COL9A1: variants seen among roughly 807,000 people sequenced by gnomAD.
The protein encoded by COL9A1 is collagen alpha-1(IX) chain.
COL9A1 carries 104 observed loss-of-function variants against 142.6 expected under a neutral mutation model. The observed-to-expected ratio is 0.73, with a 90% CI of 0.62 to 0.86. The LOEUF (loss-of-function observed/expected upper bound fraction) is 0.86. COL9A1 is among the 40% of genes least tolerant of loss of function. COL9A1 has a pLI of 0.00. For synonymous variants in COL9A1, 466 were observed against 396.0 expected (o/e 1.18, Z -2.10); for missense variants, 1,210 against 1,176.6 (o/e 1.03, Z -0.42).
At chr6:70,278,563 G>A (rs1642003066) in intron 10 of COL9A1, among the ~76,000 whole-genome samples, 1 of 152,148 alleles carries the variant, frequency 6.6e-6, no homozygotes, top group South Asian at 2.1e-4. Context: ...GGCAGATACA[G>A]GGATTTCCTT....
intron 6 of COL9A1, chr6:70,283,203 G>A: frequency 1.4e-6 from 2 of 1,468,322 alleles, no homozygotes; most frequent in African/African-American, 1.4e-5. Context: ...GGCCCGGGAG[G>A]CGCGCGTTCC....
chr6:70,237,187 C>A (rs1234173217), intron 33 of COL9A1, among the ~76,000 whole-genome samples: 2 of 152,128 alleles, frequency 1.3e-5, no homozygotes, highest in Non-Finnish European at 2.9e-5. Flanking sequence ...GAAGAACTGA[C>A]AGAAAACAAA....
intron 1 of COL9A1, 130 bp from the exon 2 acceptor site, chr6:70,302,204 CTTTTTTTTTTT>C (rs202054376): frequency 8.3e-6 from 3 of 360,068 alleles, no homozygotes; most frequent in Non-Finnish European, 1.6e-5. Flanking sequence ...TTTTTCATTT[CTTTTTTTTTTT>C]TTTTTTTTTT....
chr6:70,303,035 G>A lies in COL9A1; in HGVS notation c.-111C>T. 1 of 1,212,680 alleles carries A rather than the reference G, an allele frequency of 8.2e-7. No individual in the cohort carries two copies. The highest frequency in any genetic ancestry group is 1.2e-5 in the South Asian group (1 of 82,914). The allele number at this position is 1,212,680 out of a possible 1,614,324, so 75.1% of individuals were successfully genotyped here. On this transcript the variant is annotated 5_prime_UTR_variant, in exon 1 of 38. Transcript: ENST00000357250. ...CTGTTACCCTAGGACTATGTGTTCT[G>A]GGCCCAGCCTTGGTCCCTCCTGCCC... is the stretch of plus-strand genomic sequence containing the variant.
At chr6:70,220,849 T>G (rs1768837492) in intron 37 of COL9A1, among the ~76,000 whole-genome samples, 1 of 152,232 alleles carries the variant, frequency 6.6e-6, no homozygotes, top group Admixed American at 6.5e-5. Flanking sequence ...TCTGCCTGCC[T>G]CATGTGTGTA....
chr6:70,239,438 G>C, intron 32 of COL9A1, 152 bp from the exon 33 acceptor site: 1 of 624,410 alleles, frequency 1.6e-6, no homozygotes, highest in East Asian at 2.8e-5. Flanking sequence ...TCCAATTTTG[G>C]ATTCTAATCT....
intron 10 of COL9A1, 134 bp downstream of exon 10, chr6:70,280,678 G>A: frequency 1.5e-6 from 2 of 1,344,674 alleles, no homozygotes; most frequent in South Asian, 1.3e-5. Context: ...GGCGCTGGCA[G>A]GAGGCCAAGT....
At chr6:70,217,868 C>T (rs1482992618) in intron 37 of COL9A1, among the ~76,000 whole-genome samples, 5 of 152,194 alleles carry the variant, frequency 3.3e-5, no homozygotes, top group African/African-American at 1.2e-4. Context: ...AGGCCAGGTG[C>T]AGTGGCTCAT....
At chr6:70,264,111 A>G (rs552746445) in intron 18 of COL9A1, among the ~76,000 whole-genome samples, 2 of 152,152 alleles carry the variant, frequency 1.3e-5, no homozygotes, top group Admixed American at 6.5e-5. Flanking sequence ...GATGTTGCCA[A>G]TGCCACAACA....
intron 13 of COL9A1, 91 bp from the exon 14 acceptor site, chr6:70,271,799 C>T (rs1279249490): frequency 1.0e-5 from 13 of 1,301,558 alleles, no homozygotes; most frequent in Non-Finnish European, 1.3e-5. Context: ...ATTAGATTTA[C>T]ATTTCTGTAT....
intron 19 of COL9A1, chr6:70,261,054 T>C (rs1371991885): frequency 2.7e-5 from 6 of 222,152 alleles, no homozygotes; most frequent in Non-Finnish European, 5.4e-5. Flanking sequence ...TCCCACTTCC[T>C]TCATGGCATG....
intron 36 of COL9A1, among the ~76,000 whole-genome samples, chr6:70,231,981 AG>A (rs772514653): frequency 4.5e-4 from 69 of 152,310 alleles, no homozygotes; most frequent in Middle Eastern, 6.8e-3. Flanking sequence ...CCTGGATGCA[AG>A]GGCTTAACTT....
At position 70,254,507 on chromosome 6, in the gene COL9A1, G is replaced by A. The variant is rs1259659135; in HGVS notation, c.1688C>T (p.Pro563Leu). The change falls in exon 25 of 38, where the codon CCT (proline) becomes CTT (leucine). Residue 563 changes from proline (P) to leucine (L), a missense_variant. Pro to Leu is a moderately conservative substitution (Grantham distance 98). Transcript: ENST00000357250. ...CCCCTGCAATCCTGCATCACCAGGA[G>A]GCCCAGGTTTTCCTGGTTCACCCTG... is the stretch of plus-strand genomic sequence containing the variant. ...GTKGEPGKPGPPGDAGLQGLP... is the reference protein window; with the variant it reads ...GTKGEPGKPGLPGDAGLQGLP... 1 of 1,614,094 alleles carries A rather than the reference G, an allele frequency of 6.2e-7. No individual in the cohort carries two copies. The highest frequency in any genetic ancestry group is 1.1e-5 in the South Asian group (1 of 91,082).
chr6:70,282,572 G>A (rs1436276438), intron 7 of COL9A1, among the ~76,000 whole-genome samples: 2 of 152,058 alleles, frequency 1.3e-5, no homozygotes, highest in African/African-American at 4.8e-5. Flanking sequence ...AGGAGGTGGG[G>A]CGGGGGAGGG....
chr6:70,267,319 G>GTTTTTTTTTTTTTT lies in COL9A1; in HGVS notation c.1288-550_1288-549insAAAAAAAAAAAAAA, dbSNP rs1050364230. 8.1e-3 allele frequency among the ~76,000 whole-genome samples: 801 copies of GTTTTTTTTTTTTTT among 99,404 alleles called. 30 individuals carry two copies. The highest frequency in any genetic ancestry group is 0.014 in the Non-Finnish European group (648 of 45,500). The allele number at this position is 99,404 out of a possible 152,430, so 65.2% of individuals were successfully genotyped here. On this transcript the variant is annotated intron_variant, in intron 17 of 37. Transcript: ENST00000357250. ...TACATTTTTTGTTGTTGTTTGTTTG[G>GTTTTTTTTTTTTTT]TTTTTTTGTTTTTTTTTTTTGAGAT...
intron 5 of COL9A1, among the ~76,000 whole-genome samples, chr6:70,286,449 C>G (rs950662054): frequency 5.3e-5 from 8 of 152,216 alleles, no homozygotes; most frequent in Non-Finnish European, 1.0e-4. Flanking sequence ...GGCTATGAAA[C>G]TTGGCTCAGT....
intron 33 of COL9A1, among the ~76,000 whole-genome samples, chr6:70,236,656 T>G (rs1769929200): frequency 6.6e-6 from 1 of 152,206 alleles, no homozygotes; most frequent in Non-Finnish European, 1.5e-5. Context: ...TTTCGCTTTA[T>G]GCAAAAGAAA....
Position 70,271,695 on chromosome 6 carries a change from G to C in COL9A1, c.1103C>G (p.Thr368Arg). ...GCCAAGCTCTCCAGGGAGTCCTGCT[G>C]TCCCAGGAGGACCCTGAAGTCAACA... The part of the protein sequence containing the change: ...GIPGPPGPPG[T>R]AGLPGELGRV... Residue 368 changes from threonine to arginine, a missense_variant, in exon 14 of 38, where the codon ACA (threonine) becomes AGA (arginine). Physicochemically the swap from Thr to Arg is moderately conservative, Grantham distance 71. Transcript: ENST00000357250. The C allele has an allele frequency of 6.2e-7, 1 of 1,613,830 alleles. No individual in the cohort carries two copies. Among genetic ancestry groups the C allele is most frequent in the Non-Finnish European group, 8.5e-7 (1 of 1,179,776 alleles).
At chr6:70,248,291 A>G (rs1426195044) in intron 28 of COL9A1, among the ~76,000 whole-genome samples, 1 of 152,226 alleles carries the variant, frequency 6.6e-6, no homozygotes, top group Non-Finnish European at 1.5e-5. Context: ...AGGCGCCCAT[A>G]TGAAACCTCT....
Sources: gnomAD v4.1 joint callset for allele counts (sites outside exome capture counted in the v4.1 genomes callset) on GRCh38, gnomAD v4.1.1 for gene constraint, MANE v1.5 for transcripts, NCBI Gene and HGNC (gene_info 2026-07-23, HGNC 2026-07-21) for gene names.